LYN: variants seen among roughly 807,000 people sequenced by gnomAD.
LYN encodes LYN proto-oncogene, Src family tyrosine kinase.
LYN carries 12 observed loss-of-function variants against 65.0 expected under a neutral mutation model. The observed-to-expected ratio is 0.18, with a 90% confidence interval of 0.12 to 0.30. The LOEUF is 0.30. Among genes scored for constraint, LYN ranks in the 10% least tolerant of loss-of-function variants. The pLI, the probability that LYN is intolerant of heterozygous loss-of-function variation, is 1.00. For missense variants in LYN, 380 were observed against 623.2 expected, an observed-to-expected ratio of 0.61 and a Z score of 4.16; for synonymous variants, 222 against 221.2, an observed-to-expected ratio of 1.00 and a Z score of -0.03.
chr8:55,966,168 A>C (rs187244564), intron 8 of LYN, among the ~76,000 whole-genome samples: 1 of 152,278 alleles, frequency 6.6e-6, no homozygotes, highest in Non-Finnish European at 1.5e-5. Context: ...GAGTGCCAAT[A>C]AAAACGTTTT....
chr8:55,893,215 TA>T (rs1398624752), intron 1 of LYN, among the ~76,000 whole-genome samples: 1 of 152,226 alleles, frequency 6.6e-6, no homozygotes, highest in African/African-American at 2.4e-5. Context: ...GAGCCTTATT[TA>T]AATACCTTTT....
chr8:55,934,831 A>G (rs1282309680), intron 1 of LYN, among the ~76,000 whole-genome samples: 4 of 152,200 alleles, frequency 2.6e-5, no homozygotes, highest in Non-Finnish European at 5.9e-5. Context: ...GGAGGCTGGC[A>G]GGCACCTTGG....
At chr8:55,968,908 G>A (rs1017472706) in intron 9 of LYN, among the ~76,000 whole-genome samples, 13 of 152,190 alleles carry the variant, frequency 8.5e-5, no homozygotes, top group African/African-American at 3.1e-4. Context: ...GAAGCCATAG[G>A]AGGTTGGAGA....
chr8:55,976,366 A>C (rs1563321130), intron 10 of LYN, among the ~76,000 whole-genome samples: 1 of 151,754 alleles, frequency 6.6e-6, no homozygotes, highest in East Asian at 1.9e-4. Flanking sequence ...GGAAGGAAAG[A>C]AAGAAAGCAA....
intron 8 of LYN, 67 bp downstream of exon 8, chr8:55,954,051 C>A: frequency 6.6e-7 from 1 of 1,519,238 alleles, no homozygotes; most frequent in Non-Finnish European, 9.0e-7. Context: ...AGGCTCAAGC[C>A]AATTTCGATC....
intron 10 of LYN, among the ~76,000 whole-genome samples, chr8:55,975,568 C>T (rs985372557): frequency 3.3e-5 from 5 of 152,218 alleles, no homozygotes; most frequent in African/African-American, 4.8e-5. Flanking sequence ...TAAGGGAACA[C>T]AAATATATCA....
intron 1 of LYN, among the ~76,000 whole-genome samples, chr8:55,929,620 T>C (rs938783574): frequency 6.6e-6 from 1 of 152,162 alleles, no homozygotes; most frequent in Non-Finnish European, 1.5e-5. Flanking sequence ...AAGGGGATAT[T>C]TGGCAATGTT....
chr8:55,951,678 A>AG (rs1280828387), intron 6 of LYN, among the ~76,000 whole-genome samples: 2 of 151,798 alleles, frequency 1.3e-5, no homozygotes, highest in Non-Finnish European at 2.9e-5. Context: ...AAAAAAAAAA[A>AG]GAAAATCAAA....
chr8:55,890,051 T>G (rs1187430788), intron 1 of LYN, among the ~76,000 whole-genome samples: 1 of 134,378 alleles, frequency 7.4e-6, no homozygotes, highest in Admixed American at 9.3e-5. Context: ...CTGAGACAGG[T>G]GGATTGCTTG....
chr8:55,997,230 C>T (rs1808397033), intron 10 of LYN, among the ~76,000 whole-genome samples: 2 of 152,044 alleles, frequency 1.3e-5, no homozygotes, highest in Admixed American at 1.3e-4. Context: ...CTTGGAGAGC[C>T]AGTTCCATGG....
intron 10 of LYN, among the ~76,000 whole-genome samples, chr8:55,984,852 G>C (rs1351644987): frequency 6.6e-6 from 1 of 152,246 alleles, no homozygotes; most frequent in Non-Finnish European, 1.5e-5. Context: ...TTTGCTTTCA[G>C]AAGTTACTCC....
Position 55,942,696 on chromosome 8 carries a change from A to C in LYN, c.132+705A>C, listed in dbSNP as rs189426879. Among the ~76,000 whole-genome samples, 1,395 of 151,234 alleles carry C rather than the reference A, an allele frequency of 9.2e-3. 23 individuals carry two copies. Among genetic ancestry groups the C allele is most frequent in the African/African-American group, 0.032 (1,326 of 41,138 alleles). On this transcript the variant is annotated intron_variant, in intron 2 of 12. Transcript: ENST00000519728. ...GCTACTCAGGAGGCTGAGGCAGGAG[A>C]ATCGCTTGAACCTGGGAAGCAGAGG...
At chr8:55,992,339 C>A (rs1165404760) in intron 10 of LYN, among the ~76,000 whole-genome samples, 1 of 152,184 alleles carries the variant, frequency 6.6e-6, no homozygotes, top group Non-Finnish European at 1.5e-5. Context: ...GTATCCCCTG[C>A]CTCCAAGCCA....
At chr8:55,897,856 T>G (rs1419304175) in intron 1 of LYN, among the ~76,000 whole-genome samples, 1 of 152,028 alleles carries the variant, frequency 6.6e-6, no homozygotes, top group African/African-American at 2.4e-5. Flanking sequence ...GAGGCTGCAG[T>G]GAGTCGAGAT....
intron 10 of LYN, among the ~76,000 whole-genome samples, chr8:55,990,955 C>G (rs1360329587): frequency 1.3e-5 from 2 of 152,168 alleles, no homozygotes; most frequent in Non-Finnish European, 2.9e-5. Flanking sequence ...TATTCTGTCC[C>G]CACTCTGCCC....
At chr8:55,905,683 G>A (rs1008415108) in intron 1 of LYN, among the ~76,000 whole-genome samples, 2 of 152,152 alleles carry the variant, frequency 1.3e-5, no homozygotes, top group African/African-American at 4.8e-5. Flanking sequence ...AAACACTTAA[G>A]AGGCCTATGG....
chr8:55,926,885 C>G (rs1357726048), intron 1 of LYN, among the ~76,000 whole-genome samples: 2 of 152,172 alleles, frequency 1.3e-5, no homozygotes, highest in Admixed American at 1.3e-4. Context: ...TTTTACTGCT[C>G]CTTGTGGAGC....
chr8:55,909,010 TACACACACACACACACACACAC>T (rs369256669), intron 1 of LYN, among the ~76,000 whole-genome samples: 6 of 32,250 alleles, frequency 1.9e-4, no homozygotes, highest in African/African-American at 5.7e-4. Context: ...TATATATATA[TACACACACACACACACACACAC>T]ACACACACAC....
At chr8:55,903,433 G>A (rs1192655742) in intron 1 of LYN, among the ~76,000 whole-genome samples, 1 of 152,212 alleles carries the variant, frequency 6.6e-6, no homozygotes, top group Non-Finnish European at 1.5e-5. Context: ...CCCTGTGAGG[G>A]AAAGTAGACA....
Sources: allele counts gnomAD v4.1 joint callset (sites outside exome capture counted in the v4.1 genomes callset), GRCh38; gene constraint gnomAD v4.1.1; transcripts MANE v1.5; gene names NCBI Gene and HGNC (gene_info 2026-07-23, HGNC 2026-07-21).